Variants in PFKM observed in about 807,000 individuals in gnomAD.
The protein encoded by PFKM is phosphofructokinase, muscle.
PFKM carries 58 observed loss-of-function variants against 95.5 expected under a neutral mutation model. That is an observed-to-expected ratio of 0.61 (90% CI 0.49 to 0.76). The LOEUF is 0.76. PFKM is among the 30% of genes least tolerant of loss of function. The pLI is 0.00. For missense variants in PFKM, 678 were observed against 1,005.4 expected, an observed-to-expected ratio of 0.67 and a Z score of 4.40; for synonymous variants, 336 against 357.2, an observed-to-expected ratio of 0.94 and a Z score of 0.67.
chr12:48,105,677 C>T, upstream of PFKM: 1 of 441,196 alleles, frequency 2.3e-6, no homozygotes, highest in Non-Finnish European at 4.2e-6. Context: ...AGACCCAGCT[C>T]TGGCGGGAAA....
In PFKM at chr12:48,139,385, A is replaced by G. The variant is rs367957274; in HGVS notation, c.1127+36A>G. 9 of 1,552,606 alleles carry G rather than the reference A, an allele frequency of 5.8e-6. No individual in the cohort carries two copies. In the African/African-American group the frequency reaches 1.1e-4, roughly 19 times the overall value. ...GACGGGAAGCTCACTAGCTACAGAAATCAGAGGCGTGAACGAAGCCAAAGA... is the reference window on the plus strand; with the variant it reads ...GACGGGAAGCTCACTAGCTACAGAAGTCAGAGGCGTGAACGAAGCCAAAGA... On this transcript the variant is annotated intron_variant, in intron 12 of 22. Transcript: ENST00000359794.
In PFKM at chr12:48,137,752, C is replaced by A; in HGVS notation, c.968C>A (p.Ala323Glu). 1.2e-6 allele frequency: 2 copies of A among 1,614,116 alleles called. No individual in the cohort carries two copies. The highest frequency in any genetic ancestry group is 1.7e-6 in the Non-Finnish European group (2 of 1,179,988). Residue 323 changes from alanine to glutamate, a missense_variant, in exon 11 of 23, where the codon GCA becomes GAA. Coordinates refer to ENST00000359794, the MANE Select transcript of PFKM (RefSeq NM_000289.6). ...AGGATGGGTGTGGAAGCAGTGATGGCACTTTTGGAGGGGACCCCAGATACC... is the reference window on the plus strand; with the variant it reads ...AGGATGGGTGTGGAAGCAGTGATGGAACTTTTGGAGGGGACCCCAGATACC... ...GSRMGVEAVM[A>E]LLEGTPDTPA...
At chr12:48,119,210 A>G (rs529673783), upstream of PFKM, 81 of 899,106 alleles carry the variant, frequency 9.0e-5, no homozygotes, top group African/African-American at 1.2e-3. Flanking sequence ...GGGAGGAGGA[A>G]GAGGAGGAGA....
chr12:48,111,326 C>T (rs1281810013), intron 3 of PFKM, among the ~76,000 whole-genome samples: 1 of 152,186 alleles, frequency 6.6e-6, no homozygotes, highest in Admixed American at 6.5e-5. Context: ...CCCCTGCTGC[C>T]CTTCTGATCC....
At chr12:48,143,874 A>G (rs1950795111) in intron 19 of PFKM, 60 bp downstream of exon 19, 2 of 1,367,134 alleles carry the variant, frequency 1.5e-6, no homozygotes, top group Admixed American at 1.7e-5. Context: ...GCTCAAACCC[A>G]TAGAATGGCC....
At chr12:48,133,910 C>T (rs574165972) in intron 6 of PFKM, among the ~76,000 whole-genome samples, 1 of 152,214 alleles carries the variant, frequency 6.6e-6, no homozygotes, top group South Asian at 2.1e-4. Context: ...ACAGTTTACC[C>T]CAGGGTAATC....
At chr12:48,135,667 A>T (rs1433249230) in intron 10 of PFKM, among the ~76,000 whole-genome samples, 1 of 152,174 alleles carries the variant, frequency 6.6e-6, no homozygotes, top group Non-Finnish European at 1.5e-5. Context: ...ATAATTGTAG[A>T]TTCACATGCA....
At chr12:48,127,447 G>T (rs1023967318) in intron 2 of PFKM, among the ~76,000 whole-genome samples, 2 of 152,204 alleles carry the variant, frequency 1.3e-5, no homozygotes, top group African/African-American at 4.8e-5. Context: ...TGCTGAGTCA[G>T]TGGACCACGC....
intron 20 of PFKM, 49 bp from the exon 21 acceptor site, chr12:48,144,982 C>T: frequency 2.4e-6 from 3 of 1,271,578 alleles, no homozygotes; most frequent in Non-Finnish European, 3.5e-6. Context: ...ATATCTCTGC[C>T]ACTTCATTAG....
At position 48,133,371 on chromosome 12, in the gene PFKM, G is replaced by A. The variant is rs371418617; in HGVS notation, c.484G>A (p.Val162Ile). 1.9e-5 allele frequency: 31 copies of A among 1,613,898 alleles called. No homozygotes were observed. Among genetic ancestry groups the A allele is most frequent in the Non-Finnish European group, 2.6e-5 (31 of 1,179,890 alleles). ...KSSYLNIVGL[V>I]GSIDNDFCGT... The stretch of plus-strand genomic sequence containing the variant: ...CAGCTACCTGAACATTGTGGGCCTG[G>A]TTGGGTCAATTGACAATGACTTCTG... Residue 162 changes from valine to isoleucine, a missense_variant, in exon 6 of 23, where the codon GTT becomes ATT. Val to Ile is a conservative substitution (Grantham distance 29, BLOSUM62 3). Coordinates refer to ENST00000359794, the MANE Select transcript of PFKM (RefSeq NM_000289.6).
At chr12:48,134,303 T>C in intron 7 of PFKM, 27 bp downstream of exon 7, 2 of 1,599,836 alleles carry the variant, frequency 1.3e-6, no homozygotes, top group Non-Finnish European at 1.7e-6. Context: ...GACCCATTTA[T>C]TCCGTGGACC....
intron 11 of PFKM, 31 bp downstream of exon 11, chr12:48,137,877 C>A: frequency 6.2e-7 from 1 of 1,613,156 alleles, no homozygotes; most frequent in South Asian, 1.1e-5. Context: ...CCTTTCTTAA[C>A]ACTCTCAAGC....
rs752194116 is a variant in PFKM at position 48,146,032 on chromosome 12, T to G, written c.*324T>G. The G allele has an allele frequency of 1.4e-4, 48 of 336,976 alleles. No individual in the cohort carries two copies. The highest frequency in any genetic ancestry group is 2.3e-4 in the Non-Finnish European group (41 of 177,374). The allele number at this position is 336,976 out of a possible 1,614,324, so 20.9% of individuals were successfully genotyped here. ...TTTATTTCTTTGTGATAACAAAGAG[T>G]CTTGGTTCCTCTACTACTTTTACTA... On this transcript the variant is annotated 3_prime_UTR_variant, in exon 23 of 23. Transcript: ENST00000359794.
chr12:48,128,387 G>A (rs537964129), intron 2 of PFKM, among the ~76,000 whole-genome samples: 7 of 152,046 alleles, frequency 4.6e-5, no homozygotes, highest in Non-Finnish European at 7.4e-5. Context: ...CTATAGGGAT[G>A]CACCATTGTA....
Position 48,141,787 on chromosome 12 carries a change from A to C in PFKM, c.1460A>C (p.Lys487Thr). 1 of 1,613,932 alleles carries C rather than the reference A, an allele frequency of 6.2e-7. No individual in the cohort carries two copies. The highest frequency in any genetic ancestry group is 2.2e-5 in the East Asian group (1 of 44,860). The change falls in exon 16 of 23, where the codon AAG becomes ACG. Residue 487 changes from lysine (K) to threonine (T), a missense_variant. Coordinates refer to ENST00000359794, the MANE Select transcript of PFKM (RefSeq NM_000289.6). ...SFEQISANIT[K>T]FNIQGLVIIG... ...GAACAGATCAGTGCCAATATAACTA[A>C]GTTTAACATTCAGGGCCTTGTCATC...
chr12:48,123,543 CTT>C (rs1354828505), intron 2 of PFKM, among the ~76,000 whole-genome samples: 1 of 152,000 alleles, frequency 6.6e-6, no homozygotes, highest in Admixed American at 6.6e-5. Context: ...TTAAAAAAAA[CTT>C]TTTCTCCTTT....
chr12:48,110,653 G>A (rs1271743225), intron 3 of PFKM, among the ~76,000 whole-genome samples: 6 of 152,110 alleles, frequency 3.9e-5, no homozygotes, highest in African/African-American at 1.4e-4. Context: ...CTCCCTCCAG[G>A]GTGTTCTGCT....
chr12:48,105,961 C>T (rs1164149924), exon 1 of PFKM: 6 of 697,044 alleles, frequency 8.6e-6, no homozygotes, highest in South Asian at 6.0e-5. Flanking sequence ...TGACCGGGTC[C>T]GACACAGTCT....
At chr12:48,144,001 G>A in intron 19 of PFKM, 45 bp from the exon 20 acceptor site, 1 of 1,388,426 alleles carries the variant, frequency 7.2e-7, no homozygotes, top group Non-Finnish European at 1.0e-6. Flanking sequence ...ATGGGGGATG[G>A]GAAGCCAACC....
Sources: allele counts gnomAD v4.1 joint callset (sites outside exome capture counted in the v4.1 genomes callset), GRCh38; gene constraint gnomAD v4.1.1; transcripts MANE v1.5; gene names NCBI Gene and HGNC (gene_info 2026-07-23, HGNC 2026-07-21).